The following IL1RAPL1 variants were observed in gnomAD, a reference collection of about 807,000 sequenced individuals.
IL1RAPL1 encodes the protein interleukin-1 receptor accessory protein-like 1.
IL1RAPL1 carries 3 observed loss-of-function variants against 48.4 expected under a neutral mutation model. The ratio of observed to expected loss-of-function variants is 0.06; its 90% CI spans 0.03 to 0.16. The LOEUF (loss-of-function observed/expected upper bound fraction) is 0.16, where lower values mean the gene tolerates loss of function less well. Among genes scored for constraint, IL1RAPL1 ranks in the 10% least tolerant of loss-of-function variants. IL1RAPL1 has a pLI of 1.00. For missense variants in IL1RAPL1, 349 were observed against 530.6 expected (o/e 0.66, Z 3.36); for synonymous variants, 185 against 187.7 (o/e 0.99, Z 0.12).
chrX:29,815,802 T>C (rs1051657973), intron 6 of IL1RAPL1, among the ~76,000 whole-genome samples: 2 of 111,183 alleles, frequency 1.8e-5, no homozygotes, highest in Non-Finnish European at 3.8e-5. Context: ...TCCCTTTGTA[T>C]AAGGGATGTT....
chrX:29,802,809 A>ATATATATATG (rs1225063433), intron 6 of IL1RAPL1, among the ~76,000 whole-genome samples: 2 of 46,809 alleles, frequency 4.3e-5, no homozygotes, highest in African/African-American at 1.2e-4. Context: ...ATATATATAT[A>ATATATATATG]TGTGTGTATA....
chrX:28,740,167 A>C (rs1352768056), intron 1 of IL1RAPL1, among the ~76,000 whole-genome samples: 1 of 111,981 alleles, frequency 8.9e-6, no homozygotes, highest in South Asian at 3.7e-4. Context: ...CAATAAACCC[A>C]GGATAATAGT....
chrX:29,511,537 T>A (rs1233867908), intron 5 of IL1RAPL1, among the ~76,000 whole-genome samples: 1 of 111,975 alleles, frequency 8.9e-6, no homozygotes. Context: ...CTTATAAGAC[T>A]TATTTTTATT....
intron 2 of IL1RAPL1, among the ~76,000 whole-genome samples, chrX:29,089,238 T>C (rs1239362409): frequency 9.0e-6 from 1 of 111,288 alleles, no homozygotes; most frequent in African/African-American, 3.3e-5. Flanking sequence ...CCCCTTCAGC[T>C]TTATTGAGAT....
intron 2 of IL1RAPL1, among the ~76,000 whole-genome samples, chrX:29,020,804 C>T (rs976331446): frequency 3.6e-5 from 4 of 111,808 alleles, no homozygotes; most frequent in African/African-American, 1.3e-4. Flanking sequence ...TCATTCTTCT[C>T]CTAAATAAAA....
intron 2 of IL1RAPL1, among the ~76,000 whole-genome samples, chrX:29,208,730 A>C: frequency 1.3e-5 from 1 of 75,297 alleles, no homozygotes; most frequent in South Asian, 5.4e-4. Context: ...TAATAATAAT[A>C]ATAATAAATA....
chrX:29,821,343 G>A (rs1346370118), intron 6 of IL1RAPL1, among the ~76,000 whole-genome samples: 3 of 110,494 alleles, frequency 2.7e-5, no homozygotes, highest in Non-Finnish European at 3.8e-5. Flanking sequence ...CCAGCTACTC[G>A]GGAGGCTGAG....
At chrX:29,168,033 A>G (rs1391645641) in intron 2 of IL1RAPL1, among the ~76,000 whole-genome samples, 2 of 110,699 alleles carry the variant, frequency 1.8e-5, no homozygotes, top group Non-Finnish European at 3.8e-5. Flanking sequence ...TTTTTTAAAA[A>G]GTTTTCTACT....
chrX:29,945,534 A>C (rs751462029), intron 9 of IL1RAPL1, among the ~76,000 whole-genome samples: 15 of 112,699 alleles, frequency 1.3e-4, no homozygotes, highest in Non-Finnish European at 1.1e-4. Context: ...ATAATATCCT[A>C]CTATAGCAAT....
chrX:29,755,882 C>T (rs1024935001), intron 6 of IL1RAPL1, among the ~76,000 whole-genome samples: 10 of 111,604 alleles, frequency 9.0e-5, no homozygotes, highest in African/African-American at 2.3e-4. Context: ...AAATGAAATG[C>T]GATGTGGATA....
chrX:29,785,985 T>C (rs1929485640), intron 6 of IL1RAPL1, among the ~76,000 whole-genome samples: 1 of 84,921 alleles, frequency 1.2e-5, no homozygotes, highest in Admixed American at 1.9e-4. Flanking sequence ...TGAGACAATC[T>C]AAGCATTCAG....
intron 1 of IL1RAPL1, chrX:28,659,331 C>T (rs1468916295): frequency 1.3e-5 from 7 of 551,570 alleles, no homozygotes; most frequent in Non-Finnish European, 2.3e-5. Context: ...CGAAGTGCCA[C>T]AGTACCAGGC....
chrX:28,596,061 C>T (rs1335799192), intron 1 of IL1RAPL1, among the ~76,000 whole-genome samples: 1 of 111,249 alleles, frequency 9.0e-6, no homozygotes, highest in Non-Finnish European at 1.9e-5. Context: ...GAGGCAAGTG[C>T]CTGCTGGTCT....
intron 8 of IL1RAPL1, among the ~76,000 whole-genome samples, chrX:29,936,671 T>C (rs1180622535): frequency 9.0e-6 from 1 of 111,246 alleles, no homozygotes; most frequent in Admixed American, 9.6e-5. Context: ...TAGCAGAAAA[T>C]GTTTGCAAAC....
chrX:28,851,377 A>C (rs1023355847), intron 2 of IL1RAPL1, among the ~76,000 whole-genome samples: 2 of 111,265 alleles, frequency 1.8e-5, no homozygotes, highest in African/African-American at 3.3e-5. Flanking sequence ...ACTCATCAAC[A>C]ATCATTTCTA....
At chrX:29,773,871 T>G (rs1929127429) in intron 6 of IL1RAPL1, among the ~76,000 whole-genome samples, 1 of 111,892 alleles carries the variant, frequency 8.9e-6, no homozygotes, top group Non-Finnish European at 1.9e-5. Context: ...TTACAAAGCC[T>G]AATCTGAAAT....
At chrX:28,820,756 T>C (rs1455500498) in intron 2 of IL1RAPL1, among the ~76,000 whole-genome samples, 1 of 110,977 alleles carries the variant, frequency 9.0e-6, no homozygotes, top group Non-Finnish European at 1.9e-5. Flanking sequence ...TGCACCAAAG[T>C]GGGTGGTTCA....
intron 3 of IL1RAPL1, among the ~76,000 whole-genome samples, chrX:29,335,121 A>C (rs756316623): frequency 3.1e-4 from 33 of 107,145 alleles, no homozygotes; most frequent in African/African-American, 9.0e-4. Flanking sequence ...CAAAAAAAAA[A>C]CGAAAACCAG....
chrX:29,215,729 A>G (rs1345999977), intron 2 of IL1RAPL1, among the ~76,000 whole-genome samples: 4 of 112,073 alleles, frequency 3.6e-5, no homozygotes, highest in African/African-American at 1.3e-4. Context: ...GTCTTTTTTT[A>G]TGACAAAACA....
Sources: gnomAD v4.1 joint callset for allele counts (sites outside exome capture counted in the v4.1 genomes callset) on GRCh38, gnomAD v4.1.1 for gene constraint, MANE v1.5 for transcripts, NCBI Gene and HGNC (gene_info 2026-07-23, HGNC 2026-07-21) for gene names.